The following CYP4F3 variants were observed in gnomAD, a reference collection of about 807,000 sequenced individuals.
CYP4F3 encodes the protein cytochrome P450 4F3.
In CYP4F3, 50 loss-of-function variants were observed where a neutral mutation model predicts 54.8. That is an observed-to-expected ratio of 0.91 (90% CI 0.73 to 1.16). The LOEUF is 1.16. CYP4F3 is among the 50% of genes most tolerant of loss of function. The pLI is 0.00. For synonymous variants in CYP4F3, 244 were observed against 262.6 expected, an observed-to-expected ratio of 0.93 and a Z score of 0.69; for missense variants, 715 against 676.2, an observed-to-expected ratio of 1.06 and a Z score of -0.64.
Position 15,645,857 on chromosome 19 carries a change from GCTCCAGGTAGACACTGCACTGGCCA to G in CYP4F3, c.343+21_343+45del, listed in dbSNP as rs761222710. On this transcript the variant is annotated splice_donor_variant and splice_donor_5th_base_variant and coding_sequence_variant and intron_variant, in exon 3 of 13. Coordinates refer to ENST00000221307, the MANE Select transcript of CYP4F3 (RefSeq NM_000896.3). LOFTEE classifies it high-confidence loss of function. Reference sequence around the variant, plus strand: ...CACCTACATCAAGCCTGTGCTCTTTGCTCCAGGTAGACACTGCACTGGCCACTCCAGGTAGACACTGCACTGGCCA... The same window carrying G: ...CACCTACATCAAGCCTGTGCTCTTTGCTCCAGGTAGACACTGCACTGGCCA... 5.9e-5 allele frequency: 94 copies of G among 1,606,652 alleles called. No homozygotes were observed. The highest frequency in any genetic ancestry group is 6.8e-5 in the Non-Finnish European group (80 of 1,175,794).
Position 15,659,249 on chromosome 19 carries a change from C to G in CYP4F3, c.1427C>G (p.Ala476Gly), listed in dbSNP as rs138194970. Residue 476 changes from alanine (A) to glycine (G), a missense_variant, in exon 13 of 13, where the codon GCG (alanine) becomes GGG (glycine). Transcript: ENST00000221307. Reference sequence around the variant, plus strand: ...TGCATCGGGCAGGCGTTCGCGATGGCGGAGATGAAGGTGGTCCTGGGGCTC... The same window carrying G: ...TGCATCGGGCAGGCGTTCGCGATGGGGGAGATGAAGGTGGTCCTGGGGCTC... ...RNCIGQAFAMAEMKVVLGLTL... is the reference protein window; with the variant it reads ...RNCIGQAFAMGEMKVVLGLTL... 6.2e-7 allele frequency: 1 copy of G among 1,611,882 alleles called. No individual in the cohort carries two copies. Among genetic ancestry groups the G allele is most frequent in the South Asian group, 1.1e-5 (1 of 90,956 alleles).
At chr19:15,653,877 G>C (rs916256700) in intron 9 of CYP4F3, among the ~76,000 whole-genome samples, 2 of 152,164 alleles carry the variant, frequency 1.3e-5, no homozygotes, top group African/African-American at 2.4e-5. Context: ...AGCAGGGGCT[G>C]GCTGTGGAAG....
intron 2 of CYP4F3, 83 bp from the exon 3 acceptor site, chr19:15,645,636 G>GA: frequency 4.0e-6 from 6 of 1,489,246 alleles, no homozygotes; most frequent in Non-Finnish European, 5.4e-6. Flanking sequence ...TTCTCAGGGA[G>GA]AGGGCTTCCA....
intron 7 of CYP4F3, among the ~76,000 whole-genome samples, chr19:15,650,680 C>CTTTCTTTCTTTCTTTTTTCTT (rs1568397537): frequency 1.7e-5 from 1 of 58,040 alleles, no homozygotes; most frequent in African/African-American, 9.2e-5. Flanking sequence ...TTCTTTCTTT[C>CTTTCTTTCTTTCTTTTTTCTT]TTTCTTTCTT....
In CYP4F3 at chr19:15,645,830, C is replaced by T. The variant is rs1972608932; in HGVS notation, c.310C>T (p.Pro104Ser). Reference protein sequence around the residue: ...PWHAIVRIFHPTYIKPVLFAP... With the variant: ...PWHAIVRIFHSTYIKPVLFAP... ...GCACGCAATCGTCCGCATCTTCCAC[C>T]CCACCTACATCAAGCCTGTGCTCTT... Residue 104 changes from proline (P) to serine (S), a missense_variant, in exon 3 of 13, where the codon CCC becomes TCC. Transcript: ENST00000221307. 6.2e-7 allele frequency: 1 copy of T among 1,613,206 alleles called. No individual in the cohort carries two copies. The highest frequency in any genetic ancestry group is 1.7e-5 in the Admixed American group (1 of 59,970).
intron 7 of CYP4F3, 175 bp downstream of exon 7, chr19:15,650,358 C>A: frequency 8.1e-7 from 1 of 1,232,184 alleles, no homozygotes. Context: ...TAGCACCTAC[C>A]AGGGGACTGC....
At chr19:15,644,291 C>T (rs150136744) in intron 2 of CYP4F3, among the ~76,000 whole-genome samples, 147 of 152,312 alleles carry the variant, frequency 9.7e-4, no homozygotes, top group Middle Eastern at 3.4e-3. Flanking sequence ...GAGACCTCAA[C>T]CCAAGGCCCT....
Position 15,649,953 on chromosome 19 carries a change from G to C in CYP4F3, c.688G>C (p.Ala230Pro). Residue 230 changes from alanine (A) to proline (P), a missense_variant, in exon 7 of 13, where the codon GCC (alanine) becomes CCC (proline). Coordinates refer to ENST00000221307, the MANE Select transcript of CYP4F3 (RefSeq NM_000896.3). ...TATTGCCGCCATCTTGGAGCTCAGT[G>C]CCCTTGTGACAAAAAGACACCAGCA... ...EYIAAILELS[A>P]LVTKRHQQIL... The C allele has an allele frequency of 1.2e-6, 2 of 1,614,110 alleles. No individual in the cohort carries two copies. The highest frequency in any genetic ancestry group is 1.6e-4 in the Middle Eastern group (1 of 6,062).
chr19:15,641,278 C>T, intron 1 of CYP4F3, 137 bp from the exon 2 acceptor site: 1 of 1,143,070 alleles, frequency 8.7e-7, no homozygotes, highest in South Asian at 1.5e-5. Flanking sequence ...CCCTCAGCCC[C>T]TGTTTATCCA....
At chr19:15,644,038 C>G in intron 2 of CYP4F3, 1 of 1,591,622 alleles carries the variant, frequency 6.3e-7, no homozygotes, top group South Asian at 1.1e-5. Flanking sequence ...TCCGGTCTGT[C>G]ATCAACGCCT....
intron 7 of CYP4F3, among the ~76,000 whole-genome samples, chr19:15,652,058 TAG>T (rs28371482): frequency 3.2e-4 from 48 of 150,280 alleles, no homozygotes; most frequent in African/African-American, 1.0e-3. Context: ...ACATTTTCTA[TAG>T]AGAGAGAGAG....
Position 15,660,058 on chromosome 19 carries a change from C to T in CYP4F3, c.*673C>T, listed in dbSNP as rs538884803. The T allele has an allele frequency of 1.9e-4, 29 of 152,284 alleles. No individual in the cohort carries two copies. The highest frequency in any genetic ancestry group is 7.0e-4 in the African/African-American group (29 of 41,556). The allele number at this position is 152,284 out of a possible 1,614,324, so 9.4% of individuals were successfully genotyped here. A position where few individuals can be genotyped will look rare whatever the true frequency, so the allele number is the denominator to read the frequency against. On this transcript the variant is annotated 3_prime_UTR_variant, in exon 13 of 13. Transcript: ENST00000221307. ...TACAGCTCATATATACTTTTTCCAT[C>T]TGGATTCTTCACAAAAGAATATGTT...
At chr19:15,649,690 G>T (rs538267684) in intron 6 of CYP4F3, among the ~76,000 whole-genome samples, 8 of 152,254 alleles carry the variant, frequency 5.3e-5, no homozygotes, top group Non-Finnish European at 7.4e-5. Flanking sequence ...TATCCTCTGG[G>T]TGCCTAGCTG....
At chr19:15,644,292 C>G (rs1972561282) in intron 2 of CYP4F3, among the ~76,000 whole-genome samples, 1 of 152,184 alleles carries the variant, frequency 6.6e-6, no homozygotes, top group Admixed American at 6.5e-5. Flanking sequence ...AGACCTCAAC[C>G]CAAGGCCCTG....
intron 9 of CYP4F3, among the ~76,000 whole-genome samples, chr19:15,656,574 A>T (rs1470102105): frequency 8.7e-5 from 13 of 149,232 alleles, no homozygotes. Context: ...TCATCTATCA[A>T]TGTATCTATC....
Position 15,643,921 on chromosome 19 carries a change from G to C in CYP4F3, c.199-1798G>C, listed in dbSNP as rs769512670. On this transcript the variant is annotated intron_variant, in intron 2 of 12. Transcript: ENST00000221307. The stretch of plus-strand genomic sequence containing the variant: ...CTTGCTTGCAGGTCACCCCCACGGA[G>C]CAGGGCATGAGGGTCCTGACTCAGC... 3 of 1,588,498 alleles carry C rather than the reference G, an allele frequency of 1.9e-6. No individual in the cohort carries two copies. In the South Asian group the frequency reaches 3.4e-5, roughly 18 times the overall value.
chr19:15,656,728 T>C (rs2683055), intron 9 of CYP4F3, among the ~76,000 whole-genome samples: 14,847 of 143,950 alleles, frequency 0.1, 837 homozygotes, highest in South Asian at 0.16. Flanking sequence ...TATCATCTAT[T>C]TATCTATCTA....
Position 15,643,076 on chromosome 19 carries a change from A to AGATG in CYP4F3, c.198+1485_198+1488dup, listed in dbSNP as rs199692890. On this transcript the variant is annotated intron_variant, in intron 2 of 12. Coordinates refer to ENST00000221307, the MANE Select transcript of CYP4F3 (RefSeq NM_000896.3). ...GGATGAGTGGATGAATGTACAGATAAGATGGATGGATGGATGGATGGATGG... is the reference window on the plus strand; with the variant it reads ...GGATGAGTGGATGAATGTACAGATAAGATGGATGGATGGATGGATGGATGGATGG... Among the ~76,000 whole-genome samples the AGATG allele has an allele frequency of 3.6e-4, 54 of 151,500 alleles. No individual in the cohort carries two copies. In the East Asian group the frequency reaches 5.4e-3, roughly 15 times the overall value.
Position 15,659,293 on chromosome 19 carries a change from G to T in CYP4F3, c.1471G>T (p.Val491Phe), listed in dbSNP as rs375318772. The T allele has an allele frequency of 6.2e-7, 1 of 1,613,466 alleles. No individual in the cohort carries two copies. The highest frequency in any genetic ancestry group is 8.5e-7 in the Non-Finnish European group (1 of 1,179,868). The change falls in exon 13 of 13, where the codon GTC becomes TTC. Residue 491 changes from valine to phenylalanine, a missense_variant. Physicochemically the swap from Val to Phe is conservative, Grantham distance 50. Coordinates refer to ENST00000221307, the MANE Select transcript of CYP4F3 (RefSeq NM_000896.3). ...GGGGCTCACGCTGCTGCGCTTCCGC[G>T]TCCTGCCTGACCACACCGAGCCCCG... Reference protein sequence around the residue: ...VLGLTLLRFRVLPDHTEPRRK... With the variant: ...VLGLTLLRFRFLPDHTEPRRK...
Sources: allele counts gnomAD v4.1 joint callset (sites outside exome capture counted in the v4.1 genomes callset), GRCh38; gene constraint gnomAD v4.1.1; transcripts MANE v1.5; gene names NCBI Gene and HGNC (gene_info 2026-07-23, HGNC 2026-07-21).